DYM: variants seen among roughly 807,000 people sequenced by gnomAD.
DYM encodes dyggve-Melchior-Clausen syndrome protein.
In DYM, 78 loss-of-function variants were observed where a neutral mutation model predicts 93.1. That is an observed-to-expected ratio of 0.84 (90% CI 0.70 to 1.01). The LOEUF (loss-of-function observed/expected upper bound fraction) is 1.01, where lower values mean the gene tolerates loss of function less well. DYM is among the 50% of genes least tolerant of loss of function. The pLI is 0.00. For missense variants in DYM, 789 were observed against 845.0 expected, an observed-to-expected ratio of 0.93 and a Z score of 0.82; for synonymous variants, 321 against 319.7, an observed-to-expected ratio of 1.00 and a Z score of -0.04.
intron 8 of DYM, among the ~76,000 whole-genome samples, chr18:49,308,268 C>T (rs1445295614): frequency 1.4e-5 from 2 of 143,714 alleles, no homozygotes; most frequent in Non-Finnish European, 3.0e-5. Flanking sequence ...TATAAACAGA[C>T]ATTTCATACA....
intron 6 of DYM, among the ~76,000 whole-genome samples, chr18:49,345,219 GA>G (rs1189357864): frequency 6.6e-6 from 1 of 152,064 alleles, no homozygotes; most frequent in African/African-American, 2.4e-5. Context: ...AGAGAAGGGG[GA>G]AAAAATGCAC....
chr18:49,384,064 C>T (rs781500242), intron 3 of DYM, among the ~76,000 whole-genome samples: 3 of 152,150 alleles, frequency 2.0e-5, no homozygotes, highest in Admixed American at 1.3e-4. Context: ...TAGCACACGC[C>T]TGTAATCCCA....
chr18:49,292,355 G>GAC (rs57025579), intron 8 of DYM, among the ~76,000 whole-genome samples: 6,345 of 84,492 alleles, frequency 0.075, 243 homozygotes, highest in East Asian at 0.12. Context: ...CAGACAGACA[G>GAC]ACACACACAC....
intron 14 of DYM, among the ~76,000 whole-genome samples, chr18:49,171,031 CAAAA>C (rs2088643490): frequency 6.6e-6 from 1 of 151,924 alleles, no homozygotes; most frequent in African/African-American, 2.4e-5. Context: ...AACAAAAAAA[CAAAA>C]AACGAAGTCA....
chr18:49,403,092 A>G (rs2071040663), intron 2 of DYM, among the ~76,000 whole-genome samples: 1 of 151,936 alleles, frequency 6.6e-6, no homozygotes, highest in African/African-American at 2.4e-5. Flanking sequence ...CAACAAGAAA[A>G]CCCATAAGTA....
intron 13 of DYM, among the ~76,000 whole-genome samples, chr18:49,229,700 A>C (rs2093641447): frequency 6.6e-6 from 1 of 152,138 alleles, no homozygotes. Context: ...TTTGGAAAAT[A>C]CTTTGACACC....
At chr18:49,455,039 C>T (rs1948683722) in intron 1 of DYM, among the ~76,000 whole-genome samples, 1 of 151,448 alleles carries the variant, frequency 6.6e-6, no homozygotes, top group Non-Finnish European at 1.5e-5. Context: ...CCTTAACCCA[C>T]AAAAAAATAA....
chr18:49,383,998 G>C (rs1208854704), intron 3 of DYM, among the ~76,000 whole-genome samples: 1 of 151,984 alleles, frequency 6.6e-6, no homozygotes, highest in Non-Finnish European at 1.5e-5. Context: ...TTTTAAAAAA[G>C]AACAGAAATC....
At chr18:49,233,610 AAT>A (rs2093775220) in intron 13 of DYM, among the ~76,000 whole-genome samples, 1 of 152,144 alleles carries the variant, frequency 6.6e-6, no homozygotes, top group Non-Finnish European at 1.5e-5. Flanking sequence ...GCTGGTTTCC[AAT>A]GATTAGATAA....
In DYM at chr18:49,376,907, G is replaced by A. The variant is rs558490543; in HGVS notation, c.421+1660C>T. Among the ~76,000 whole-genome samples, 44 of 152,270 alleles carry A rather than the reference G, an allele frequency of 2.9e-4. No homozygotes were observed. In the East Asian group the frequency reaches 2.9e-3, roughly 10 times the overall value. ...ATTCATATTCTATTTCTCCAAAACCGTTTCCTGATCTTGAAAGAGGCCATA... is the reference window on the plus strand; with the variant it reads ...ATTCATATTCTATTTCTCCAAAACCATTTCCTGATCTTGAAAGAGGCCATA... On this transcript the variant is annotated intron_variant, in intron 5 of 17. Transcript: ENST00000675505.
intron 14 of DYM, among the ~76,000 whole-genome samples, chr18:49,174,614 A>G (rs2089173721): frequency 1.3e-5 from 2 of 152,204 alleles, no homozygotes; most frequent in African/African-American, 4.8e-5. Flanking sequence ...ACACAGGCTC[A>G]TTCCCTGAGT....
intron 1 of DYM, among the ~76,000 whole-genome samples, chr18:49,443,461 C>T (rs989604452): frequency 1.3e-5 from 2 of 152,084 alleles, no homozygotes; most frequent in African/African-American, 2.4e-5. Context: ...GTGACTATCA[C>T]GTCAAAAAAA....
intron 15 of DYM, among the ~76,000 whole-genome samples, chr18:49,142,864 C>A (rs931932247): frequency 6.6e-6 from 1 of 152,094 alleles, no homozygotes; most frequent in Non-Finnish European, 1.5e-5. Context: ...ATTGATAAAA[C>A]CCCAGTTAAA....
At chr18:49,178,454 A>G (rs1199439048) in intron 14 of DYM, among the ~76,000 whole-genome samples, 1 of 152,180 alleles carries the variant, frequency 6.6e-6, no homozygotes, top group Non-Finnish European at 1.5e-5. Context: ...TGCAATAGCA[A>G]GATCTCTATC....
chr18:49,321,747 C>G (rs937991254), intron 8 of DYM, among the ~76,000 whole-genome samples: 8 of 135,492 alleles, frequency 5.9e-5, no homozygotes, highest in Admixed American at 7.2e-5. Context: ...TGAGTTCAAT[C>G]CTGAAAAGGG....
At chr18:49,070,677 A>G (rs1376738168) in intron 17 of DYM, among the ~76,000 whole-genome samples, 1 of 152,236 alleles carries the variant, frequency 6.6e-6, no homozygotes, top group African/African-American at 2.4e-5. Flanking sequence ...CTAAACAGTA[A>G]GGTTCTTTAA....
intron 13 of DYM, among the ~76,000 whole-genome samples, chr18:49,247,639 C>G (rs988747315): frequency 1.3e-5 from 2 of 152,208 alleles, no homozygotes; most frequent in African/African-American, 2.4e-5. Flanking sequence ...AATAAACAAT[C>G]TGATAAACAT....
chr18:49,384,387 A>G (rs1230691039), intron 3 of DYM, among the ~76,000 whole-genome samples: 1 of 148,898 alleles, frequency 6.7e-6, no homozygotes, highest in Non-Finnish European at 1.5e-5. Flanking sequence ...GCACTTTGGG[A>G]GGCCAAGGCA....
intron 2 of DYM, among the ~76,000 whole-genome samples, chr18:49,418,274 T>C (rs763942227): frequency 2.7e-4 from 41 of 152,212 alleles, no homozygotes; most frequent in Non-Finnish European, 3.8e-4. Context: ...AAATAATAAG[T>C]ACAGGTCTGT....
Sources: allele counts gnomAD v4.1 joint callset (sites outside exome capture counted in the v4.1 genomes callset), GRCh38; gene constraint gnomAD v4.1.1; transcripts MANE v1.5; gene names NCBI Gene and HGNC (gene_info 2026-07-23, HGNC 2026-07-21).